The following MTNAP1 variants were observed in gnomAD, a reference collection of about 807,000 sequenced individuals.
The protein encoded by MTNAP1 is mitochondrial nucleoid associated protein 1, also known as mitochondrial nucleoid-associated protein 1.
chr17:73,248,666 G>A, the MTNAP1 span: 11 of 915,272 alleles, frequency 1.2e-5, no homozygotes, highest in East Asian at 2.7e-4. Flanking sequence ...GTATTTGAAG[G>A]TTCTGTTACT....
the MTNAP1 span, chr17:73,235,969 C>A: frequency 5.0e-6 from 8 of 1,614,150 alleles, no homozygotes; most frequent in South Asian, 7.7e-5. Context: ...AGGAGAAAGT[C>A]GATGTAATCC....
the MTNAP1 span, chr17:73,247,584 TC>T: frequency 2.1e-5 from 9 of 438,642 alleles, no homozygotes; most frequent in Non-Finnish European, 3.7e-5. Context: ...ATATTTTATA[TC>T]CCTGAAAATA....
At chr17:73,235,155 GT>G in the MTNAP1 span, among the ~76,000 whole-genome samples, 2 of 152,124 alleles carry the variant, frequency 1.3e-5, no homozygotes, top group Non-Finnish European at 2.9e-5. Flanking sequence ...GGGAGGCGGA[GT>G]TTGCAGTGAG....
the MTNAP1 span, chr17:73,245,499 T>A: frequency 1.0e-6 from 1 of 985,378 alleles, no homozygotes; most frequent in Non-Finnish European, 1.2e-6. Flanking sequence ...ATGACAAAGT[T>A]CATCACTAAA....
chr17:73,233,112 C>G, the MTNAP1 span: 5 of 152,238 alleles, frequency 3.3e-5, no homozygotes, highest in African/African-American at 9.7e-5. Context: ...CTGGGGAGGT[C>G]TTAACTCTCT....
the MTNAP1 span, among the ~76,000 whole-genome samples, chr17:73,244,949 A>G: frequency 6.6e-6 from 1 of 152,212 alleles, no homozygotes; most frequent in African/African-American, 2.4e-5. Flanking sequence ...CCACAGAGAA[A>G]AGGGCTTTTC....
the MTNAP1 span, chr17:73,232,670 CCTGGGGGGCTTGT>C: frequency 9.1e-6 from 2 of 220,310 alleles, no homozygotes; most frequent in African/African-American, 4.5e-5. Context: ...GGGGGGCTTC[CCTGGGGGGCTTGT>C]CGCCGGGGCC....
the MTNAP1 span, among the ~76,000 whole-genome samples, chr17:73,241,574 C>A: frequency 6.6e-6 from 1 of 152,290 alleles, no homozygotes; most frequent in Non-Finnish European, 1.5e-5. Context: ...TGACTGTGGG[C>A]AAGTCACAAT....
At chr17:73,235,345 T>A in the MTNAP1 span, 2 of 728,416 alleles carry the variant, frequency 2.7e-6, no homozygotes, top group Non-Finnish European at 2.2e-6. Flanking sequence ...TAATGACTAG[T>A]TGACTTGCTG....
At chr17:73,242,872 C>T in the MTNAP1 span, 1 of 1,593,322 alleles carries the variant, frequency 6.3e-7, no homozygotes. Flanking sequence ...GCTGTAACAA[C>T]AAGCCGTGTT....
At chr17:73,236,311 T>G in the MTNAP1 span, 1 of 1,614,024 alleles carries the variant, frequency 6.2e-7, no homozygotes, top group Admixed American at 1.7e-5. Context: ...GAACACAGAA[T>G]CCCTCATTTT....
the MTNAP1 span, among the ~76,000 whole-genome samples, chr17:73,239,926 C>T: frequency 7.6e-4 from 116 of 152,262 alleles, no homozygotes; most frequent in African/African-American, 2.7e-3. Flanking sequence ...AAACAGTGAA[C>T]CTCAAGTTGA....
chr17:73,235,191 G>T, the MTNAP1 span, among the ~76,000 whole-genome samples: 2 of 152,150 alleles, frequency 1.3e-5, no homozygotes, highest in African/African-American at 4.8e-5. Flanking sequence ...CTGCACTCCA[G>T]CCTGGGTGAC....
chr17:73,246,758 T>C, the MTNAP1 span, among the ~76,000 whole-genome samples: 1 of 152,218 alleles, frequency 6.6e-6, no homozygotes, highest in Admixed American at 6.5e-5. Context: ...TAGAATTCTC[T>C]GTAAGGAAAA....
At chr17:73,242,509 T>TG in the MTNAP1 span, among the ~76,000 whole-genome samples, 1 of 110,566 alleles carries the variant, frequency 9.0e-6, no homozygotes, top group Non-Finnish European at 2.1e-5. Context: ...CATTTTGGAG[T>TG]TGGACATAAT....
chr17:73,244,171 T>C, the MTNAP1 span, among the ~76,000 whole-genome samples: 4 of 152,254 alleles, frequency 2.6e-5, no homozygotes, highest in African/African-American at 9.6e-5. Context: ...TATTGTATTA[T>C]TAAAAAAATC....
chr17:73,238,806 G>A, the MTNAP1 span, among the ~76,000 whole-genome samples: 440 of 152,298 alleles, frequency 2.9e-3, 1 homozygote, highest in Non-Finnish European at 4.3e-3. Flanking sequence ...CCAATAAATA[G>A]TAGAGCTGCA....
the MTNAP1 span, chr17:73,245,354 G>A: frequency 7.3e-7 from 1 of 1,364,002 alleles, no homozygotes; most frequent in Non-Finnish European, 9.5e-7. Context: ...TAATGATACA[G>A]GAAGTAAACG....
chr17:73,247,236 T>C, the MTNAP1 span: 2 of 1,613,656 alleles, frequency 1.2e-6, no homozygotes, highest in Non-Finnish European at 1.7e-6. Context: ...ATCTGGCCTT[T>C]ACAGAAAAAT....
Sources: allele counts gnomAD v4.1 joint callset (sites outside exome capture counted in the v4.1 genomes callset), GRCh38; gene constraint gnomAD v4.1.1; transcripts MANE v1.5; gene names NCBI Gene and HGNC (gene_info 2026-07-23, HGNC 2026-07-21).